CNTN5: variants seen among roughly 807,000 people sequenced by gnomAD.
CNTN5 encodes the protein contactin 5.
CNTN5 carries 77 observed loss-of-function variants against 129.1 expected under a neutral mutation model. The ratio of observed to expected loss-of-function variants is 0.60; its 90% CI spans 0.50 to 0.72. The LOEUF (loss-of-function observed/expected upper bound fraction) is 0.72. Among genes scored for constraint, CNTN5 ranks in the 30% least tolerant of loss-of-function variants. CNTN5 has a pLI of 0.00. For synonymous variants in CNTN5, 509 were observed against 465.6 expected (o/e 1.09, Z -1.20); for missense variants, 1,478 against 1,328.8 (o/e 1.11, Z -1.75).
chr11:100,306,891 G>A (rs1951362240), intron 20 of CNTN5, among the ~76,000 whole-genome samples: 2 of 151,634 alleles, frequency 1.3e-5, no homozygotes, highest in Non-Finnish European at 3.0e-5. Context: ...TTATACCATG[G>A]CAGGAATTAA....
chr11:99,534,007 A>G (rs1947810237), intron 2 of CNTN5, among the ~76,000 whole-genome samples: 1 of 152,218 alleles, frequency 6.6e-6, no homozygotes, highest in Non-Finnish European at 1.5e-5. Context: ...TAATGCAACA[A>G]TTCTGTTAAA....
intron 18 of CNTN5, among the ~76,000 whole-genome samples, chr11:100,286,208 T>C (rs910095303): frequency 1.3e-5 from 2 of 152,182 alleles, no homozygotes; most frequent in African/African-American, 4.8e-5. Flanking sequence ...CAGGCTTGCT[T>C]AGGTAAACAA....
chr11:100,197,542 G>A (rs983650266), intron 15 of CNTN5, among the ~76,000 whole-genome samples: 2 of 151,856 alleles, frequency 1.3e-5, no homozygotes, highest in African/African-American at 4.8e-5. Flanking sequence ...AGTTTATGTT[G>A]GTCAGAGGTC....
intron 9 of CNTN5, among the ~76,000 whole-genome samples, chr11:100,009,030 A>G (rs7947498): frequency 0.4 from 61,425 of 151,828 alleles, 13,453 homozygotes; most frequent in African/African-American, 0.58. Context: ...TATCTTTCCC[A>G]TATTCTTTAA....
intron 3 of CNTN5, among the ~76,000 whole-genome samples, chr11:99,625,413 T>G (rs558078019): frequency 6.6e-6 from 1 of 152,304 alleles, no homozygotes; most frequent in Admixed American, 6.5e-5. Flanking sequence ...GTAACATAAT[T>G]CTTTCCCCGT....
At chr11:99,619,883 G>A (rs561741972) in intron 3 of CNTN5, among the ~76,000 whole-genome samples, 139 of 151,816 alleles carry the variant, frequency 9.2e-4, no homozygotes, top group Middle Eastern at 3.4e-3. Context: ...AAAATTAGCC[G>A]GGCATGGTGG....
intron 1 of CNTN5, among the ~76,000 whole-genome samples, chr11:99,318,546 T>TA (rs1865438860): frequency 8.3e-6 from 1 of 120,622 alleles, no homozygotes. Flanking sequence ...TGAGAATTAT[T>TA]TTTTTTTTTT....
At chr11:100,002,328 C>G (rs1939927013) in intron 9 of CNTN5, among the ~76,000 whole-genome samples, 192 bp downstream of exon 9, 1 of 152,014 alleles carries the variant, frequency 6.6e-6, no homozygotes, top group Non-Finnish European at 1.5e-5. Context: ...TTTCTATGGA[C>G]AACAGTTTCT....
chr11:100,215,191 G>T (rs1349420171), intron 15 of CNTN5, among the ~76,000 whole-genome samples: 1 of 152,160 alleles, frequency 6.6e-6, no homozygotes, highest in Non-Finnish European at 1.5e-5. Flanking sequence ...TCTGAATGTA[G>T]TACAATTTTT....
intron 3 of CNTN5, among the ~76,000 whole-genome samples, chr11:99,679,483 T>C (rs948775910): frequency 1.1e-4 from 16 of 152,158 alleles, no homozygotes; most frequent in Admixed American, 4.6e-4. Flanking sequence ...TAAGGAGATC[T>C]TTGATCAGGG....
intron 2 of CNTN5, among the ~76,000 whole-genome samples, chr11:99,347,424 A>G (rs1937971687): frequency 1.3e-5 from 2 of 152,240 alleles, no homozygotes; most frequent in Admixed American, 6.5e-5. Flanking sequence ...AACAAAAGTA[A>G]TTAATATAAT....
intron 3 of CNTN5, among the ~76,000 whole-genome samples, chr11:99,587,648 T>C (rs1949841817): frequency 6.6e-6 from 1 of 152,206 alleles, no homozygotes; most frequent in Non-Finnish European, 1.5e-5. Flanking sequence ...TGAGGATATG[T>C]TATGAAGATG....
intron 1 of CNTN5, among the ~76,000 whole-genome samples, chr11:99,141,524 T>C (rs1247111538): frequency 6.6e-6 from 1 of 152,208 alleles, no homozygotes; most frequent in Non-Finnish European, 1.5e-5. Context: ...ACTCAAGCTC[T>C]CATTTTGGCT....
intron 13 of CNTN5, among the ~76,000 whole-genome samples, chr11:100,084,423 A>C (rs1944472849): frequency 1.3e-5 from 2 of 152,144 alleles, no homozygotes; most frequent in Admixed American, 1.3e-4. Context: ...TACGGTCGAG[A>C]TTTTTAGCAT....
chr11:100,054,004 G>C (rs1016990950), intron 9 of CNTN5, among the ~76,000 whole-genome samples: 1 of 151,750 alleles, frequency 6.6e-6, no homozygotes, highest in African/African-American at 2.4e-5. Context: ...GTATAAAACT[G>C]GTGAAAGTGT....
At chr11:99,846,315 G>A (rs909748529) in intron 6 of CNTN5, among the ~76,000 whole-genome samples, 2 of 124,980 alleles carry the variant, frequency 1.6e-5, no homozygotes, top group Non-Finnish European at 1.6e-5. Context: ...CCGAGATTGC[G>A]CCACCACACT....
chr11:99,417,211 TA>T (rs1942697019), intron 2 of CNTN5, among the ~76,000 whole-genome samples: 1 of 152,218 alleles, frequency 6.6e-6, no homozygotes, highest in African/African-American at 2.4e-5. Flanking sequence ...TATTTTTCAA[TA>T]AGTTATTTTT....
intron 9 of CNTN5, among the ~76,000 whole-genome samples, chr11:100,004,154 C>T (rs1940050984): frequency 6.6e-6 from 1 of 152,202 alleles, no homozygotes; most frequent in Admixed American, 6.5e-5. Flanking sequence ...CTCTTGTGGG[C>T]CTTTGTCTGT....
chr11:100,201,816 G>C (rs556686492), intron 15 of CNTN5, among the ~76,000 whole-genome samples: 7 of 152,002 alleles, frequency 4.6e-5, no homozygotes, highest in African/African-American at 1.7e-4. Context: ...GGAGAATATT[G>C]GGGGCTGACA....
Sources: gnomAD v4.1 joint callset for allele counts (sites outside exome capture counted in the v4.1 genomes callset) on GRCh38, gnomAD v4.1.1 for gene constraint, MANE v1.5 for transcripts, NCBI Gene and HGNC (gene_info 2026-07-23, HGNC 2026-07-21) for gene names.